The following GLIS3 variants were observed in gnomAD, a reference collection of about 807,000 sequenced individuals.
GLIS3 encodes the protein GLIS family zinc finger 3.
Under a neutral mutation model 78.6 loss-of-function variants are expected in GLIS3, and 53 were observed. The ratio of observed to expected loss-of-function variants is 0.67; its 90% CI spans 0.54 to 0.85. GLIS3 has a LOEUF of 0.85. Among genes scored for constraint, GLIS3 ranks in the 40% least tolerant of loss-of-function variants. The pLI is 0.00. For missense variants in GLIS3, 1,703 were observed against 1,231.1 expected (o/e 1.38, Z -5.74); for synonymous variants, 684 against 509.9 (o/e 1.34, Z -4.60).
intron 4 of GLIS3, chr9:4,054,347 A>G (rs2130501459): frequency 1.0e-6 from 1 of 985,412 alleles, no homozygotes; most frequent in Non-Finnish European, 1.2e-6. Flanking sequence ...CACCTTTCCA[A>G]GCTCTCAAAA....
chr9:3,860,520 CAT>C (rs928570577), intron 8 of GLIS3, among the ~76,000 whole-genome samples: 1 of 152,010 alleles, frequency 6.6e-6, no homozygotes, highest in Non-Finnish European at 1.5e-5. Context: ...GATTGTTTCT[CAT>C]ATCAGTAGCT....
intron 2 of GLIS3, among the ~76,000 whole-genome samples, chr9:4,183,042 T>C (rs1426294917): frequency 6.6e-6 from 1 of 152,168 alleles, no homozygotes; most frequent in Non-Finnish European, 1.5e-5. Flanking sequence ...ACACAGATAG[T>C]GGTGAGGCCC....
At chr9:3,991,010 A>G (rs1198793036) in intron 4 of GLIS3, among the ~76,000 whole-genome samples, 2 of 152,206 alleles carry the variant, frequency 1.3e-5, no homozygotes, top group Non-Finnish European at 2.9e-5. Context: ...GATGACAAAA[A>G]TTAGGGTTAA....
At chr9:4,209,937 G>A (rs1439146080) in intron 2 of GLIS3, among the ~76,000 whole-genome samples, 1 of 152,096 alleles carries the variant, frequency 6.6e-6, no homozygotes, top group African/African-American at 2.4e-5. Flanking sequence ...AAGGAGACAA[G>A]ACATCCCATC....
chr9:3,922,669 G>A (rs557586347), intron 6 of GLIS3, among the ~76,000 whole-genome samples: 4 of 152,012 alleles, frequency 2.6e-5, no homozygotes, highest in African/African-American at 9.7e-5. Flanking sequence ...GCTAGTCAGG[G>A]AATTCAAGGT....
chr9:3,988,977 GAC>G (rs1248655891), intron 4 of GLIS3, among the ~76,000 whole-genome samples: 2 of 152,096 alleles, frequency 1.3e-5, no homozygotes, highest in Non-Finnish European at 2.9e-5. Context: ...AATACAGAGA[GAC>G]TGGGGAAAAC....
chr9:4,300,266 C>T (rs923843597), upstream of GLIS3, among the ~76,000 whole-genome samples: 1 of 151,630 alleles, frequency 6.6e-6, no homozygotes, highest in African/African-American at 2.4e-5. Flanking sequence ...CGCCAGAAGT[C>T]GAGGAACTCC....
intron 4 of GLIS3, among the ~76,000 whole-genome samples, chr9:4,016,815 G>A (rs997187247): frequency 6.6e-6 from 1 of 152,120 alleles, no homozygotes; most frequent in Non-Finnish European, 1.5e-5. Context: ...CCATTGTTGG[G>A]CAAAGCCACT....
chr9:4,385,781 GAA>G, the GLIS3 span, among the ~76,000 whole-genome samples: 38 of 73,862 alleles, frequency 5.1e-4, no homozygotes, highest in African/African-American at 2.3e-3. Context: ...AAGAAAGAAA[GAA>G]AGAAAGAAAG....
chr9:4,055,131 G>A (rs1826040263), intron 4 of GLIS3, among the ~76,000 whole-genome samples: 1 of 152,162 alleles, frequency 6.6e-6, no homozygotes. Flanking sequence ...CATTACTTCT[G>A]CATCCTGAAC....
At chr9:4,318,868 G>C (rs1037066515) in intron 2 of GLIS3, among the ~76,000 whole-genome samples, 12 of 152,180 alleles carry the variant, frequency 7.9e-5, no homozygotes, top group Admixed American at 7.9e-4. Context: ...GATTGCAAAG[G>C]GGGGAAGTTC....
chr9:3,926,526 G>A (rs150134338), intron 6 of GLIS3, among the ~76,000 whole-genome samples: 2,133 of 151,946 alleles, frequency 0.014, 27 homozygotes, highest in Middle Eastern at 0.024. Flanking sequence ...CACCGCACGC[G>A]GCCTGCAATG....
intron 7 of GLIS3, among the ~76,000 whole-genome samples, chr9:3,883,226 C>G (rs1026519211): frequency 1.3e-5 from 2 of 152,168 alleles, no homozygotes; most frequent in African/African-American, 2.4e-5. Flanking sequence ...CTGACCATAT[C>G]ACAGTCATGC....
rs555909796 is a variant in GLIS3 at position 3,924,826 on chromosome 9, C to A, written c.1983+7534G>T. Reference sequence around the variant, plus strand: ...GGTAGCAGAGAGCCTGAGCTAAACACTTTTATTCCAAAATGATTTTCATCA... The same window carrying A: ...GGTAGCAGAGAGCCTGAGCTAAACAATTTTATTCCAAAATGATTTTCATCA... On this transcript the variant is annotated intron_variant, in intron 6 of 10. Transcript: ENST00000381971. Among the ~76,000 whole-genome samples, 48 of 152,290 alleles carry A rather than the reference C, an allele frequency of 3.2e-4. No homozygotes were observed. In the South Asian group the frequency reaches 4.6e-3, roughly 14 times the overall value.
chr9:4,029,238 C>T (rs1823607179), intron 4 of GLIS3, among the ~76,000 whole-genome samples: 2 of 151,950 alleles, frequency 1.3e-5, no homozygotes, highest in Admixed American at 6.6e-5. Context: ...TCAAATGTAA[C>T]AATATTTGCC....
At chr9:4,216,508 GA>G (rs1319809769) in intron 2 of GLIS3, among the ~76,000 whole-genome samples, 2 of 136,414 alleles carry the variant, frequency 1.5e-5, no homozygotes, top group Non-Finnish European at 3.2e-5. Flanking sequence ...GAAAAGAAAA[GA>G]AAAAGAAAAA....
the GLIS3 span, among the ~76,000 whole-genome samples, chr9:4,439,207 T>C: frequency 1.3e-5 from 2 of 152,206 alleles, no homozygotes; most frequent in African/African-American, 4.8e-5. Flanking sequence ...CCAAAAGCCA[T>C]AATTTTTTCT....
upstream of GLIS3, among the ~76,000 whole-genome samples, chr9:4,302,364 C>A (rs913088523): frequency 6.6e-6 from 1 of 152,176 alleles, no homozygotes; most frequent in East Asian, 1.9e-4. Context: ...ACTCAGCAGA[C>A]AGGCCCCTGC....
intron 4 of GLIS3, among the ~76,000 whole-genome samples, chr9:4,085,232 A>G (rs1455008974): frequency 6.6e-6 from 1 of 151,704 alleles, no homozygotes; most frequent in African/African-American, 2.4e-5. Context: ...CCGCCTTTAT[A>G]ATCAATCAGT....
Sources: gnomAD v4.1 joint callset for allele counts (sites outside exome capture counted in the v4.1 genomes callset) on GRCh38, gnomAD v4.1.1 for gene constraint, MANE v1.5 for transcripts, NCBI Gene and HGNC (gene_info 2026-07-23, HGNC 2026-07-21) for gene names.